Variants in ATP13A3 observed in about 807,000 individuals in gnomAD.
ATP13A3 encodes ATPase 13A3.
A neutral mutation model predicts 158.1 loss-of-function variants in ATP13A3; 59 were observed. The ratio of observed to expected loss-of-function variants is 0.37; its 90% CI spans 0.30 to 0.46. The LOEUF (loss-of-function observed/expected upper bound fraction) is 0.46. Ranked by LOEUF, ATP13A3 falls within the 20% of genes least tolerant of loss-of-function variation. The probability of loss-of-function intolerance (pLI) is 1.00; values close to 1 mark genes in which losing one functional copy is unlikely to be tolerated. For synonymous variants in ATP13A3, 491 were observed against 504.3 expected (o/e 0.97, Z 0.35); for missense variants, 1,166 against 1,525.2 (o/e 0.76, Z 3.92).
At position 194,404,899 on chromosome 3, in the gene ATP13A3, T is replaced by G. The variant is rs2108683516; in HGVS notation, c.*1020A>C. ...TTTGAAAAAACGGCAGCCATTCAAA[T>G]CCAGTATTTTTTAAGCCTCATTATT... On this transcript the variant is annotated 3_prime_UTR_variant, in exon 34 of 34. Coordinates refer to ENST00000645319, the MANE Select transcript of ATP13A3 (RefSeq NM_001367549.1). 6.6e-6 allele frequency: 1 copy of G among 152,284 alleles called. No individual in the cohort carries two copies. The highest frequency in any genetic ancestry group is 1.5e-5 in the Non-Finnish European group (1 of 68,030). The allele number at this position is 152,284 out of a possible 1,614,324, so 9.4% of individuals were successfully genotyped here.
At chr3:194,435,647 G>C (rs188571134) in intron 20 of ATP13A3, among the ~76,000 whole-genome samples, 132 of 152,250 alleles carry the variant, frequency 8.7e-4, no homozygotes, top group African/African-American at 3.1e-3. Flanking sequence ...AGTGGCTCAC[G>C]CCTGTAATCC....
At chr3:194,409,634 G>C (rs528143295) in intron 33 of ATP13A3, among the ~76,000 whole-genome samples, 93 of 149,618 alleles carry the variant, frequency 6.2e-4, no homozygotes, top group African/African-American at 2.2e-3. Flanking sequence ...AGTAGGTCAA[G>C]GGTAGAATTC....
chr3:194,462,521 A>G (rs1392449998), intron 2 of ATP13A3, among the ~76,000 whole-genome samples: 1 of 152,168 alleles, frequency 6.6e-6, no homozygotes, highest in Non-Finnish European at 1.5e-5. Context: ...CCTTATGAGA[A>G]TCTAATGCCT....
rs1244697749 is a variant in ATP13A3, at chr3:194,448,583, T to C, written c.1024A>G (p.Lys342Glu). The C allele has an allele frequency of 4.3e-6, 7 of 1,613,888 alleles. No homozygotes were observed. The highest frequency in any genetic ancestry group is 5.9e-6 in the Non-Finnish European group (7 of 1,179,938). Reference protein sequence around the residue: ...TNLPNPSVDVKGIGDELYNPE... With the variant: ...TNLPNPSVDVEGIGDELYNPE... ...TTATATAATTCATCTCCTATTCCTT[T>C]CACATCCACTGAAGGATTTGGCAAA... The change falls in exon 12 of 34, where the codon AAA becomes GAA. Residue 342 changes from lysine (K) to glutamate (E), a missense_variant. This residue lies in a region of ATP13A3 where 997 missense variants were observed against 1,341.2 expected (regional missense o/e 0.74). Transcript: ENST00000645319. The surrounding 1 kb of genome is among the most constrained non-coding windows in gnomAD (Gnocchi z 4.0).
chr3:194,431,730 G>A lies in ATP13A3; in HGVS notation c.2408C>T (p.Ala803Val), dbSNP rs1391206386. The stretch of plus-strand genomic sequence containing the variant: ...TCTTGACCTTACCTCTGGGTCAATT[G>A]CTGATGGATGACTGCACTGCGTGAG... ...DSLTQCSHPS[A>V]IDPEAIPVKL... The change falls in exon 22 of 34, where the codon GCA (alanine) becomes GTA (valine). Residue 803 changes from alanine to valine, a missense_variant. Transcript: ENST00000645319. The A allele has an allele frequency of 6.3e-7, 1 of 1,580,634 alleles. No homozygotes were observed. Among genetic ancestry groups the A allele is most frequent in the South Asian group, 1.2e-5 (1 of 85,542 alleles).
chr3:194,493,632 C>T (rs1279465791), intron 2 of ATP13A3, among the ~76,000 whole-genome samples: 2 of 151,494 alleles, frequency 1.3e-5, no homozygotes, highest in African/African-American at 4.9e-5. Flanking sequence ...GGCAAGACTC[C>T]ATCTCAAAAA....
At chr3:194,460,899 C>T (rs1441038887) in intron 3 of ATP13A3, 68 bp from the exon 4 acceptor site, 13 of 1,483,500 alleles carry the variant, frequency 8.8e-6, no homozygotes, top group Non-Finnish European at 9.2e-7. Context: ...GAAACACATT[C>T]CAAAGTTCTT....
chr3:194,450,226 T>C lies in ATP13A3; in HGVS notation c.889A>G (p.Ile297Val), dbSNP rs370809830. ...GGCATTATTGTCCCATTTAATGGAATGACCATGACATCTCCTGGCACAAGG... is the reference window on the plus strand; with the variant it reads ...GGCATTATTGTCCCATTTAATGGAACGACCATGACATCTCCTGGCACAAGG... ...TDLVPGDVMV[I>V]PLNGTIMPCD... Residue 297 changes from isoleucine to valine, a missense_variant, in exon 11 of 34, where the codon ATT becomes GTT. Physicochemically the swap from Ile to Val is conservative, Grantham distance 29. This residue lies in a region of ATP13A3 where 997 missense variants were observed against 1,341.2 expected (regional missense o/e 0.74). Transcript: ENST00000645319. 4.3e-6 allele frequency: 7 copies of C among 1,613,474 alleles called. No homozygotes were observed. In the African/African-American group the frequency reaches 6.7e-5, roughly 15 times the overall value.
chr3:194,460,680 TCA>T lies in ATP13A3; in HGVS notation c.201_202del (p.Cys67Ter), dbSNP rs1188127067. On this transcript the variant is annotated stop_gained and frameshift_variant, in exon 4 of 34. Coordinates refer to ENST00000645319, the MANE Select transcript of ATP13A3 (RefSeq NM_001367549.1). LOFTEE classifies it high-confidence loss of function. ...TACAGTAGTCCTCAGCAGCACTACT[TCA>T]CAGTCTTTAATTGCAGCTCTGACAC... 3 of 1,614,110 alleles carry T rather than the reference TCA, an allele frequency of 1.9e-6. No homozygotes were observed. Among genetic ancestry groups the T allele is most frequent in the Admixed American group, 3.3e-5 (2 of 60,026 alleles).
At chr3:194,479,187 T>C (rs977416895) in intron 2 of ATP13A3, among the ~76,000 whole-genome samples, 2 of 152,170 alleles carry the variant, frequency 1.3e-5, no homozygotes, top group Admixed American at 6.5e-5. Context: ...CAGAAAACCA[T>C]GGGTTAGCTT....
chr3:194,453,427 TA>T (rs35823728), intron 10 of ATP13A3, among the ~76,000 whole-genome samples: 69,166 of 145,176 alleles, frequency 0.48, 17,573 homozygotes, highest in African/African-American at 0.69. Context: ...ACCCTGTCTC[TA>T]AAAAAAAAAA....
intron 16 of ATP13A3, among the ~76,000 whole-genome samples, chr3:194,439,515 C>T (rs1007375753): frequency 3.9e-5 from 6 of 152,070 alleles, no homozygotes; most frequent in African/African-American, 1.5e-4. Flanking sequence ...GAAAAACATT[C>T]GAAGAAAAAC....
chr3:194,408,172 A>C (rs1191119339), intron 33 of ATP13A3, among the ~76,000 whole-genome samples: 1 of 152,010 alleles, frequency 6.6e-6, no homozygotes, highest in African/African-American at 2.4e-5. Context: ...GGCACGCGCC[A>C]CCACGCCCGG....
At chr3:194,434,558 A>C (rs1717479146) in intron 20 of ATP13A3, among the ~76,000 whole-genome samples, 1 of 152,236 alleles carries the variant, frequency 6.6e-6, no homozygotes, top group Non-Finnish European at 1.5e-5. Context: ...AGAGATGCAC[A>C]CAAAAATAGT....
At chr3:194,479,709 T>C (rs1297635092) in intron 2 of ATP13A3, among the ~76,000 whole-genome samples, 1 of 151,002 alleles carries the variant, frequency 6.6e-6, no homozygotes, top group Non-Finnish European at 1.5e-5. Flanking sequence ...AAAAAAAAAG[T>C]AGAAATATTT....
At chr3:194,487,082 G>C (rs1721036321), upstream of ATP13A3, 1 of 151,934 alleles carries the variant, frequency 6.6e-6, no homozygotes, top group Admixed American at 6.5e-5. Flanking sequence ...CAGGAGGCGG[G>C]GAAGGGGCGG....
chr3:194,422,237 C>T (rs890503383), intron 30 of ATP13A3, among the ~76,000 whole-genome samples: 1 of 152,044 alleles, frequency 6.6e-6, no homozygotes, highest in Admixed American at 6.5e-5. Context: ...GGATTTCAAC[C>T]AAGAATAGAA....
At chr3:194,437,256 A>G in intron 19 of ATP13A3, 41 bp from the exon 20 acceptor site, 1 of 1,613,794 alleles carries the variant, frequency 6.2e-7, no homozygotes, top group East Asian at 2.2e-5. Context: ...TAGAGTTGCT[A>G]ATACAAGTTT....
chr3:194,476,903 A>T (rs1028851226), intron 2 of ATP13A3, among the ~76,000 whole-genome samples: 1 of 151,990 alleles, frequency 6.6e-6, no homozygotes, highest in African/African-American at 2.4e-5. Flanking sequence ...GGCGGAAGGG[A>T]GCCTCAACTG....
Sources: gnomAD v4.1 joint callset for allele counts (sites outside exome capture counted in the v4.1 genomes callset) on GRCh38, gnomAD v4.1.1 for gene constraint, gnomAD v4.1.1 regional missense constraint, Gnocchi (gnomAD v3.1) non-coding constraint, MANE v1.5 for transcripts, NCBI Gene and HGNC (gene_info 2026-07-23, HGNC 2026-07-21) for gene names.